Variants in MYO3B observed in about 807,000 individuals in gnomAD.
The protein encoded by MYO3B is myosin IIIB, also known as myosin-IIIb.
In MYO3B, 156 loss-of-function variants were observed where a neutral mutation model predicts 174.6. That is an observed-to-expected ratio of 0.89 (90% CI 0.78 to 1.02). The LOEUF (loss-of-function observed/expected upper bound fraction) is 1.02, where lower values mean the gene tolerates loss of function less well. Ranked by LOEUF, MYO3B falls within the 50% of genes least tolerant of loss-of-function variation. MYO3B has a pLI of 0.00. For missense variants in MYO3B, 1,632 were observed against 1,639.4 expected, an observed-to-expected ratio of 1.00 and a Z score of 0.08; for synonymous variants, 563 against 569.1, an observed-to-expected ratio of 0.99 and a Z score of 0.15.
chr2:170,567,619 A>G (rs1029869957), intron 32 of MYO3B, among the ~76,000 whole-genome samples: 3 of 152,212 alleles, frequency 2.0e-5, no homozygotes, highest in Non-Finnish European at 2.9e-5. Context: ...CTTTGGCTGA[A>G]GTTGGAAGGG....
chr2:170,647,032 A>G (rs1204289813), intron 32 of MYO3B: 1 of 682,196 alleles, frequency 1.5e-6, no homozygotes, highest in African/African-American at 1.9e-5. Context: ...TTACTTTAAT[A>G]TAATTAAACG....
chr2:170,410,289 G>C (rs1047435522), intron 22 of MYO3B, among the ~76,000 whole-genome samples: 20 of 152,216 alleles, frequency 1.3e-4, no homozygotes, highest in Non-Finnish European at 2.2e-4. Flanking sequence ...GTTGAGGCCA[G>C]GCGCGGTGGC....
chr2:170,425,439 C>G (rs1285254547), intron 22 of MYO3B, among the ~76,000 whole-genome samples: 1 of 152,162 alleles, frequency 6.6e-6, no homozygotes, highest in East Asian at 1.9e-4. Flanking sequence ...CTTAACTGAA[C>G]TTGAGAGCTG....
chr2:170,509,353 T>A (rs1269314144), intron 28 of MYO3B, among the ~76,000 whole-genome samples: 3 of 152,092 alleles, frequency 2.0e-5, no homozygotes, highest in African/African-American at 7.2e-5. Context: ...TGAGACCCTG[T>A]CTCAAAAAAA....
intron 22 of MYO3B, among the ~76,000 whole-genome samples, chr2:170,433,274 A>G (rs2094726175): frequency 6.6e-6 from 1 of 152,226 alleles, no homozygotes; most frequent in Non-Finnish European, 1.5e-5. Context: ...CAAAAAAAAG[A>G]GAAAATTATC....
At chr2:170,207,082 C>T (rs774848951) in intron 3 of MYO3B, among the ~76,000 whole-genome samples, 2 of 152,102 alleles carry the variant, frequency 1.3e-5, no homozygotes, top group Non-Finnish European at 2.9e-5. Context: ...ACACAGACAC[C>T]CCTTGTTATC....
chr2:170,221,650 T>C (rs2092901916), intron 6 of MYO3B, among the ~76,000 whole-genome samples: 1 of 152,224 alleles, frequency 6.6e-6, no homozygotes, highest in Non-Finnish European at 1.5e-5. Context: ...GGGATGCCCT[T>C]AGTGTATTAG....
At position 170,562,108 on chromosome 2, in the gene MYO3B, A is replaced by G. The variant is rs114598208; in HGVS notation, c.3733+18120A>G. On this transcript the variant is annotated intron_variant, in intron 32 of 34. Coordinates refer to ENST00000408978, the MANE Select transcript of MYO3B (RefSeq NM_138995.5). ...AAACAGAAGGAGAATTATTAGTGGA[A>G]TTCTAAAGTTAGAACATGAAGATTG... 4.2e-3 allele frequency among the ~76,000 whole-genome samples: 641 copies of G among 152,334 alleles called. 2 individuals carry two copies. Among genetic ancestry groups the G allele is most frequent in the African/African-American group, 0.015 (617 of 41,574 alleles).
intron 22 of MYO3B, among the ~76,000 whole-genome samples, chr2:170,432,552 GT>G (rs2094718063): frequency 6.6e-6 from 1 of 151,240 alleles, no homozygotes; most frequent in Non-Finnish European, 1.5e-5. Context: ...ATGGTAAGTG[GT>G]TAATTTATTA....
At position 170,378,478 on chromosome 2, in the gene MYO3B, A is replaced by C. The variant is rs143216467; in HGVS notation, c.972-3538A>C. Among the ~76,000 whole-genome samples the C allele has an allele frequency of 2.6e-3, 403 of 152,326 alleles. 1 individual carries two copies. The highest frequency in any genetic ancestry group is 9.0e-3 in the African/African-American group (374 of 41,572). ...CTGTAAGCATGGAAAGAGGCCACACATTGCTACTAATAGCAGTTAAAATTT... is the reference window on the plus strand; with the variant it reads ...CTGTAAGCATGGAAAGAGGCCACACCTTGCTACTAATAGCAGTTAAAATTT... On this transcript the variant is annotated intron_variant, in intron 9 of 34. Transcript: ENST00000408978.
intron 22 of MYO3B, among the ~76,000 whole-genome samples, chr2:170,436,426 C>T (rs1007838854): frequency 1.3e-5 from 2 of 152,132 alleles, no homozygotes; most frequent in African/African-American, 2.4e-5. Flanking sequence ...TAAAATGCTT[C>T]CCACTCATTA....
intron 30 of MYO3B, among the ~76,000 whole-genome samples, chr2:170,542,183 C>T (rs181165861): frequency 1.9e-4 from 29 of 152,162 alleles, no homozygotes; most frequent in African/African-American, 6.5e-4. Flanking sequence ...TCAGTGCTTT[C>T]CACTCTGCTG....
At chr2:170,254,279 G>T (rs191760372) in intron 7 of MYO3B, among the ~76,000 whole-genome samples, 11 of 152,300 alleles carry the variant, frequency 7.2e-5, no homozygotes, top group Admixed American at 3.9e-4. Context: ...GCTAGAACCT[G>T]CATGGCGCCC....
chr2:170,327,068 A>G (rs2093873348), intron 7 of MYO3B, among the ~76,000 whole-genome samples: 1 of 152,232 alleles, frequency 6.6e-6, no homozygotes, highest in African/African-American at 2.4e-5. Flanking sequence ...ATAGGACCAA[A>G]CAGGTCATTA....
At chr2:170,629,613 G>T (rs1463983853) in intron 32 of MYO3B, among the ~76,000 whole-genome samples, 1 of 152,204 alleles carries the variant, frequency 6.6e-6, no homozygotes, top group Non-Finnish European at 1.5e-5. Context: ...ACTTTGGGAG[G>T]CCAAGGCAGG....
At chr2:170,476,645 C>G (rs532978638) in intron 25 of MYO3B, among the ~76,000 whole-genome samples, 40 of 152,074 alleles carry the variant, frequency 2.6e-4, no homozygotes, top group South Asian at 2.3e-3. Context: ...GTGCCATGCT[C>G]TGCTTGTCTT....
chr2:170,425,971 CA>C (rs927153647), intron 22 of MYO3B, among the ~76,000 whole-genome samples: 1 of 151,796 alleles, frequency 6.6e-6, no homozygotes, highest in African/African-American at 2.4e-5. Flanking sequence ...TGTAAACCCT[CA>C]AAAAATGTTA....
chr2:170,516,934 A>T (rs2106131385), intron 29 of MYO3B, among the ~76,000 whole-genome samples: 1 of 152,312 alleles, frequency 6.6e-6, no homozygotes, highest in Non-Finnish European at 1.5e-5. Flanking sequence ...CATACACTTA[A>T]AATGAGTCAC....
At chr2:170,218,743 A>C (rs1262003914) in intron 6 of MYO3B, among the ~76,000 whole-genome samples, 1 of 152,212 alleles carries the variant, frequency 6.6e-6, no homozygotes, top group Non-Finnish European at 1.5e-5. Context: ...TGTGTGACAA[A>C]TAGTCATCCA....
Sources: gnomAD v4.1 joint callset for allele counts (sites outside exome capture counted in the v4.1 genomes callset) on GRCh38, gnomAD v4.1.1 for gene constraint, MANE v1.5 for transcripts, NCBI Gene and HGNC (gene_info 2026-07-23, HGNC 2026-07-21) for gene names.